The following IGSF21 variants were observed in gnomAD, a reference collection of about 807,000 sequenced individuals.
IGSF21 encodes the protein immunoglobulin superfamily member 21.
In IGSF21, 28 loss-of-function variants were observed where a neutral mutation model predicts 46.8. The ratio of observed to expected loss-of-function variants is 0.60; its 90% CI spans 0.44 to 0.82. IGSF21 has a LOEUF of 0.82. Ranked by LOEUF, IGSF21 falls within the 40% of genes least tolerant of loss-of-function variation. The pLI is 0.00. For missense variants in IGSF21, 624 were observed against 665.5 expected, an observed-to-expected ratio of 0.94 and a Z score of 0.69; for synonymous variants, 284 against 273.6, an observed-to-expected ratio of 1.04 and a Z score of -0.38.
intron 1 of IGSF21, among the ~76,000 whole-genome samples, chr1:18,174,567 T>C (rs995499863): frequency 5.3e-5 from 8 of 152,190 alleles, no homozygotes; most frequent in Admixed American, 6.5e-5. Context: ...TCGCTCGCTC[T>C]TGTCACTTCA....
chr1:18,208,225 T>G (rs1479263614), intron 1 of IGSF21, among the ~76,000 whole-genome samples: 1 of 151,136 alleles, frequency 6.6e-6, no homozygotes, highest in Non-Finnish European at 1.5e-5. Flanking sequence ...CTTCACCTTC[T>G]TCATAACCCA....
intron 4 of IGSF21, among the ~76,000 whole-genome samples, chr1:18,354,791 G>T (rs1029463420): frequency 1.3e-5 from 2 of 152,170 alleles, no homozygotes; most frequent in Non-Finnish European, 2.9e-5. Flanking sequence ...CCTATACATT[G>T]TTCTCAGCCA....
intron 1 of IGSF21, among the ~76,000 whole-genome samples, chr1:18,208,655 C>G (rs1174526339): frequency 1.3e-5 from 2 of 149,964 alleles, no homozygotes; most frequent in Non-Finnish European, 3.0e-5. Context: ...CCTCGGCCTC[C>G]CAAAGTTCTG....
intron 2 of IGSF21, among the ~76,000 whole-genome samples, chr1:18,238,564 A>T (rs2084694784): frequency 6.6e-6 from 1 of 152,164 alleles, no homozygotes; most frequent in African/African-American, 2.4e-5. Flanking sequence ...GATAATGGCA[A>T]GGAGACCACT....
chr1:18,365,846 C>A lies in IGSF21; in HGVS notation c.1015+149C>A. 1 of 691,242 alleles carries A rather than the reference C, an allele frequency of 1.4e-6. No individual in the cohort carries two copies. The highest frequency in any genetic ancestry group is 2.4e-6 in the Non-Finnish European group (1 of 417,962). The allele number at this position is 691,242 out of a possible 1,614,324, so 42.8% of individuals were successfully genotyped here. On this transcript the variant is annotated intron_variant, in intron 6 of 9. Transcript: ENST00000251296. This position sits in a 1 kb window ranked among gnomAD's most constrained non-coding sequence, Gnocchi z 4.8. Reference sequence around the variant, plus strand: ...TCAGGATGAGCACAAATGGTAGAGTCAGGTTCTTAGGGAGGTTTGCTGAGC... The same window carrying A: ...TCAGGATGAGCACAAATGGTAGAGTAAGGTTCTTAGGGAGGTTTGCTGAGC...
At chr1:18,324,616 CCTGGTTAAGACCAGACT>C (rs1167105400) in intron 3 of IGSF21, among the ~76,000 whole-genome samples, 1 of 152,192 alleles carries the variant, frequency 6.6e-6, no homozygotes, top group African/African-American at 2.4e-5. Context: ...AGCTGGTCAC[CCTGGTTAAGACCAGACT>C]CTTCTGGGAG....
At chr1:18,171,708 C>A (rs2124459411) in intron 1 of IGSF21, among the ~76,000 whole-genome samples, 1 of 152,318 alleles carries the variant, frequency 6.6e-6, no homozygotes, top group South Asian at 2.1e-4. Context: ...CTGGCACAAA[C>A]TCCCTTGGCC....
intron 2 of IGSF21, among the ~76,000 whole-genome samples, chr1:18,252,501 G>A (rs374349357): frequency 1.4e-4 from 21 of 152,346 alleles, no homozygotes; most frequent in East Asian, 1.9e-4. Flanking sequence ...AGAGGCAGTC[G>A]ACATCTAAGC....
chr1:18,209,409 G>A (rs1205812950), intron 1 of IGSF21, among the ~76,000 whole-genome samples: 2 of 151,908 alleles, frequency 1.3e-5, no homozygotes, highest in Admixed American at 1.3e-4. Context: ...TGGGCCCAGG[G>A]CCTACCCAAT....
Position 18,376,874 on chromosome 1 carries a change from C to A in IGSF21, c.1176C>A (p.Phe392Leu). The stretch of plus-strand genomic sequence containing the variant: ...GCCTCCTGGACGGCAGCGCTGAGTT[C>A]GACGGGAAGGAGCTGGTGCTGGAGC... Reference protein sequence around the residue: ...GSRLLDGSAEFDGKELVLERV... With the variant: ...GSRLLDGSAELDGKELVLERV... Residue 392 changes from phenylalanine to leucine, a missense_variant, in exon 8 of 10, where the codon TTC becomes TTA. By Grantham distance (22) the Phe-to-Leu change is conservative (BLOSUM62 0). Coordinates refer to ENST00000251296, the MANE Select transcript of IGSF21 (RefSeq NM_032880.5). The A allele has an allele frequency of 6.2e-7, 1 of 1,612,802 alleles. No homozygotes were observed. Among genetic ancestry groups the A allele is most frequent in the Non-Finnish European group, 8.5e-7 (1 of 1,178,958 alleles).
chr1:18,274,289 G>A (rs2085079446), intron 2 of IGSF21, among the ~76,000 whole-genome samples: 1 of 152,204 alleles, frequency 6.6e-6, no homozygotes, highest in South Asian at 2.1e-4. Flanking sequence ...CACAAAGCTA[G>A]CCTCTTAGCC....
In IGSF21 at chr1:18,305,567, GATGGATGGATT is replaced by G. The variant is rs1202769737; in HGVS notation, c.305+13591_305+13601del. Reference sequence around the variant, plus strand: ...TGGATGATGGATGGATGGATGGATGGATGGATGGATTATGGATGGATGGATGGATGATGGAT... The same window carrying G: ...TGGATGATGGATGGATGGATGGATGGATGGATGGATGGATGGATGATGGAT... On this transcript the variant is annotated intron_variant, in intron 3 of 9. Transcript: ENST00000251296. Among the ~76,000 whole-genome samples, 908 of 149,784 alleles carry G rather than the reference GATGGATGGATT, an allele frequency of 6.1e-3. 18 individuals carry two copies. Among genetic ancestry groups the G allele is most frequent in the Non-Finnish European group, 9.4e-3 (628 of 67,018 alleles).
At chr1:18,244,829 TC>T (rs1399133015) in intron 2 of IGSF21, among the ~76,000 whole-genome samples, 1 of 152,188 alleles carries the variant, frequency 6.6e-6, no homozygotes, top group Admixed American at 6.5e-5. Context: ...TAATAATACT[TC>T]TCCTCTCAAT....
intron 3 of IGSF21, among the ~76,000 whole-genome samples, chr1:18,303,496 G>T (rs1047380054): frequency 6.6e-6 from 1 of 152,096 alleles, no homozygotes; most frequent in Non-Finnish European, 1.5e-5. Context: ...CTTGATCAGG[G>T]GCCTTCCAGA....
intron 1 of IGSF21, among the ~76,000 whole-genome samples, chr1:18,213,392 G>C (rs1393222929): frequency 1.3e-5 from 2 of 152,162 alleles, no homozygotes; most frequent in African/African-American, 4.8e-5. Flanking sequence ...AGGAGGACTT[G>C]GCTCCATACA....
chr1:18,127,386 T>A (rs942314299), intron 1 of IGSF21, among the ~76,000 whole-genome samples: 1 of 152,154 alleles, frequency 6.6e-6, no homozygotes, highest in Non-Finnish European at 1.5e-5. Context: ...AGGTGCCCTA[T>A]GACCTGTCAG....
chr1:18,140,149 T>C (rs996411709), intron 1 of IGSF21, among the ~76,000 whole-genome samples: 4 of 152,170 alleles, frequency 2.6e-5, no homozygotes, highest in African/African-American at 7.2e-5. Context: ...GGTCCCATTA[T>C]GTTGCCCAAG....
chr1:18,144,272 C>T (rs1427057054), intron 1 of IGSF21, among the ~76,000 whole-genome samples: 1 of 152,162 alleles, frequency 6.6e-6, no homozygotes, highest in Non-Finnish European at 1.5e-5. Flanking sequence ...TGGTAAGCCT[C>T]AGTCGAGTTG....
At chr1:18,370,246 C>T (rs190516450) in intron 6 of IGSF21, among the ~76,000 whole-genome samples, 112 of 152,252 alleles carry the variant, frequency 7.4e-4, no homozygotes, top group African/African-American at 2.5e-3. Flanking sequence ...CCAAAACCTT[C>T]CTGTGGTAGA....
Sources: allele counts gnomAD v4.1 joint callset (sites outside exome capture counted in the v4.1 genomes callset), GRCh38; gene constraint gnomAD v4.1.1; non-coding constraint Gnocchi (gnomAD v3.1); transcripts MANE v1.5; gene names NCBI Gene and HGNC (gene_info 2026-07-23, HGNC 2026-07-21).